The following HTR2C variants were observed in gnomAD, a reference collection of about 807,000 sequenced individuals.
The protein encoded by HTR2C is 5-hydroxytryptamine receptor 2C.
A neutral mutation model predicts 21.0 loss-of-function variants in HTR2C; 5 were observed. That is an observed-to-expected ratio of 0.24 (90% CI 0.12 to 0.50). The LOEUF is 0.50. Ranked by LOEUF, HTR2C falls within the 20% of genes least tolerant of loss-of-function variation. HTR2C has a pLI of 0.98. For missense variants in HTR2C, 271 were observed against 371.2 expected, an observed-to-expected ratio of 0.73 and a Z score of 2.22; for synonymous variants, 150 against 145.3, an observed-to-expected ratio of 1.03 and a Z score of -0.23.
intron 2 of HTR2C, among the ~76,000 whole-genome samples, chrX:114,649,065 C>T (rs1333233133): frequency 8.9e-6 from 1 of 111,882 alleles, no homozygotes; most frequent in African/African-American, 3.2e-5. Flanking sequence ...AAGAGAACAG[C>T]AGTACATAAA....
intron 2 of HTR2C, among the ~76,000 whole-genome samples, chrX:114,670,826 G>A (rs1433978907): frequency 3.6e-5 from 4 of 112,059 alleles, no homozygotes; most frequent in African/African-American, 9.7e-5. Flanking sequence ...CAGTTTGCCC[G>A]AATAAAAAAT....
intron 2 of HTR2C, among the ~76,000 whole-genome samples, chrX:114,624,141 C>T (rs782396515): frequency 1.5e-4 from 16 of 109,458 alleles, no homozygotes; most frequent in African/African-American, 5.3e-4. Context: ...TGTGATCCGC[C>T]CGCCTCAGCC....
chrX:114,681,021 A>C (rs1263069273), intron 2 of HTR2C, among the ~76,000 whole-genome samples: 1 of 111,599 alleles, frequency 9.0e-6, no homozygotes, highest in Non-Finnish European at 1.9e-5. Context: ...CATTTAAGTA[A>C]TTTAGATGCT....
chrX:114,598,052 T>C (rs1927934191), intron 1 of HTR2C, among the ~76,000 whole-genome samples: 1 of 111,430 alleles, frequency 9.0e-6, no homozygotes, highest in African/African-American at 3.3e-5. Flanking sequence ...TTCTGATCTT[T>C]AGTAGTTTGA....
At chrX:114,726,297 C>T (rs1476285952) in intron 2 of HTR2C, among the ~76,000 whole-genome samples, 3 of 112,517 alleles carry the variant, frequency 2.7e-5, no homozygotes, top group Non-Finnish European at 3.8e-5. Context: ...GTCTGTCACC[C>T]CTTTGTTTGA....
chrX:114,791,400 A>G (rs1418454504), intron 4 of HTR2C, among the ~76,000 whole-genome samples: 1 of 112,085 alleles, frequency 8.9e-6, no homozygotes, highest in Non-Finnish European at 1.9e-5. Context: ...TTTAATCCAC[A>G]GGAAATGAAA....
chrX:114,673,215 A>G (rs994211367), intron 2 of HTR2C, among the ~76,000 whole-genome samples: 5 of 112,533 alleles, frequency 4.4e-5, no homozygotes, highest in African/African-American at 1.6e-4. Flanking sequence ...TTAGTTTGGA[A>G]TGAACTTTAA....
At chrX:114,830,342 G>A (rs182162663) in intron 4 of HTR2C, among the ~76,000 whole-genome samples, 67 of 111,529 alleles carry the variant, frequency 6.0e-4, no homozygotes, top group African/African-American at 2.0e-3. Flanking sequence ...ATTTCGGGCC[G>A]TACTAAAATC....
chrX:114,678,153 G>A (rs1306500619), intron 2 of HTR2C, among the ~76,000 whole-genome samples: 1 of 110,709 alleles, frequency 9.0e-6, no homozygotes, highest in Non-Finnish European at 1.9e-5. Context: ...ATAAAGTATG[G>A]GCAGAATGAT....
At chrX:114,764,457 T>C (rs973072344) in intron 4 of HTR2C, among the ~76,000 whole-genome samples, 13 of 109,251 alleles carry the variant, frequency 1.2e-4, no homozygotes, top group African/African-American at 3.7e-4. Flanking sequence ...TAATTACTGG[T>C]TTAATTCCCC....
chrX:114,896,354 T>C (rs782688910), intron 5 of HTR2C, among the ~76,000 whole-genome samples: 2 of 112,395 alleles, frequency 1.8e-5, no homozygotes, highest in African/African-American at 3.2e-5. Flanking sequence ...TTCAGTGTAG[T>C]GTTCTGTAAA....
At chrX:114,801,948 A>G (rs2070350451) in intron 4 of HTR2C, among the ~76,000 whole-genome samples, 1 of 110,625 alleles carries the variant, frequency 9.0e-6, no homozygotes, top group Non-Finnish European at 1.9e-5. Context: ...TAATTAAATC[A>G]TTTTAATTTG....
At chrX:114,815,245 T>C (rs996320017) in intron 4 of HTR2C, among the ~76,000 whole-genome samples, 1 of 110,235 alleles carries the variant, frequency 9.1e-6, no homozygotes, top group Non-Finnish European at 1.9e-5. Flanking sequence ...TTAGAAGGGC[T>C]GAAGTGTTAT....
intron 5 of HTR2C, among the ~76,000 whole-genome samples, chrX:114,869,895 C>G (rs982543407): frequency 9.0e-6 from 1 of 111,540 alleles, no homozygotes; most frequent in Non-Finnish European, 1.9e-5. Context: ...TTATCAAATG[C>G]TATTTCAACA....
chrX:114,864,900 C>CTTTTTTTTTT (rs71947180), intron 5 of HTR2C, among the ~76,000 whole-genome samples: 1 of 84,740 alleles, frequency 1.2e-5, no homozygotes. Flanking sequence ...TTTTCTTTTT[C>CTTTTTTTTTT]TTTTTTTTTT....
chrX:114,846,930 A>G (rs1247135930), intron 4 of HTR2C, among the ~76,000 whole-genome samples: 1 of 112,284 alleles, frequency 8.9e-6, no homozygotes, highest in Admixed American at 9.4e-5. Context: ...ACATAGCTCT[A>G]ATAAATGAAT....
At chrX:114,702,720 TA>T (rs2147311004) in intron 2 of HTR2C, among the ~76,000 whole-genome samples, 1 of 108,246 alleles carries the variant, frequency 9.2e-6, no homozygotes, top group East Asian at 3.0e-4. Flanking sequence ...ATATTAACTT[TA>T]AATGTAAATG....
At chrX:114,731,638 C>T (rs201045156) in intron 4 of HTR2C, 31 bp downstream of exon 4, 57 of 977,203 alleles carry the variant, frequency 5.8e-5, no homozygotes, top group Middle Eastern at 5.4e-4. Flanking sequence ...TTTTCAATCT[C>T]GTATAATGTC....
intron 2 of HTR2C, among the ~76,000 whole-genome samples, chrX:114,718,490 A>T (rs1313574569): frequency 8.9e-6 from 1 of 112,181 alleles, no homozygotes; most frequent in East Asian, 2.8e-4. Flanking sequence ...TACTCATGGT[A>T]TGGATTCATA....
Sources: gnomAD v4.1 joint callset for allele counts (sites outside exome capture counted in the v4.1 genomes callset) on GRCh38, gnomAD v4.1.1 for gene constraint, MANE v1.5 for transcripts, NCBI Gene and HGNC (gene_info 2026-07-23, HGNC 2026-07-21) for gene names.